Variants in METTL2A observed in about 807,000 individuals in gnomAD.
The protein encoded by METTL2A is methyltransferase 2A, tRNA N3-cytidine.
In METTL2A, 45 loss-of-function variants were observed where a neutral mutation model predicts 49.4. The ratio of observed to expected loss-of-function variants is 0.91; its 90% CI spans 0.72 to 1.17. The LOEUF is 1.17. Ranked by LOEUF, METTL2A falls within the 50% of genes most tolerant of loss-of-function variation. The pLI, the probability that METTL2A is intolerant of heterozygous loss-of-function variation, is 0.00. For missense variants in METTL2A, 361 were observed against 462.2 expected (o/e 0.78, Z 2.01); for synonymous variants, 118 against 167.5 (o/e 0.70, Z 2.28).
At chr17:62,430,449 T>G (rs1261898547) in intron 4 of METTL2A, among the ~76,000 whole-genome samples, 5 of 152,198 alleles carry the variant, frequency 3.3e-5, no homozygotes, top group African/African-American at 1.2e-4. Flanking sequence ...TTCTACTGCC[T>G]GTGAATCAGG....
At chr17:62,438,946 A>G (rs967450728) in intron 5 of METTL2A, among the ~76,000 whole-genome samples, 2 of 140,408 alleles carry the variant, frequency 1.4e-5, no homozygotes, top group Admixed American at 7.2e-5. Flanking sequence ...AACTGGGACT[A>G]TGGGCACATG....
Position 62,450,666 on chromosome 17 carries a change from AAAT to A in METTL2A, c.*1940_*1942del, listed in dbSNP as rs1320140908. The A allele has an allele frequency of 2.0e-5, 3 of 152,088 alleles. No individual in the cohort carries two copies. Among genetic ancestry groups the A allele is most frequent in the African/African-American group, 7.2e-5 (3 of 41,402 alleles). 9.4% of individuals were successfully genotyped at this position (152,088 alleles called of 1,614,324 possible). ...ATAGTGAAACCCCGTCTCCACTAAAAAATAAAAAATCAGCCCGGCATGGCTGTG... is the reference window on the plus strand; with the variant it reads ...ATAGTGAAACCCCGTCTCCACTAAAAAAAAAATCAGCCCGGCATGGCTGTG... On this transcript the variant is annotated 3_prime_UTR_variant, in exon 9 of 9. Transcript: ENST00000311506.
chr17:62,437,359 GT>G (rs1440773480), intron 5 of METTL2A, among the ~76,000 whole-genome samples: 1 of 152,090 alleles, frequency 6.6e-6, no homozygotes, highest in East Asian at 1.9e-4. Context: ...ACAGCCCCAA[GT>G]TCCTGGTATC....
At chr17:62,433,389 C>T (rs2070678916) in intron 4 of METTL2A, among the ~76,000 whole-genome samples, 1 of 151,000 alleles carries the variant, frequency 6.6e-6, no homozygotes, top group African/African-American at 2.4e-5. Flanking sequence ...GCTGAGACCA[C>T]ACTATTGCAC....
chr17:62,427,673 C>A, intron 3 of METTL2A, 115 bp from the exon 4 acceptor site: 3 of 1,480,992 alleles, frequency 2.0e-6, no homozygotes, highest in Non-Finnish European at 2.7e-6. Flanking sequence ...GGTCACTACA[C>A]CTTCCCTAAT....
rs750795093 is a variant in METTL2A at position 62,423,913 on chromosome 17, C to T, written c.11C>T (p.Ser4Phe). ...TCCGGCTCCGGTGTCATGGCCGGCT[C>T]CTACCCTGAAGGTGCACCTGCAGTC... MAG[S>F]YPEGAPAVLA... is the part of the protein sequence containing the mutation. The change falls in exon 1 of 9, where the codon TCC becomes TTC. Residue 4 changes from serine to phenylalanine, a missense_variant. This residue lies in a region of METTL2A where 150 missense variants were observed against 170.1 expected (regional missense o/e 0.88). Transcript: ENST00000311506. The T allele has an allele frequency of 1.2e-6, 2 of 1,613,290 alleles. No individual in the cohort carries two copies. The highest frequency in any genetic ancestry group is 1.7e-5 in the Admixed American group (1 of 59,910).
chr17:62,451,375 C>T lies in METTL2A; in HGVS notation c.*2646C>T, dbSNP rs189726711. On this transcript the variant is annotated 3_prime_UTR_variant, in exon 9 of 9. Transcript: ENST00000311506. The stretch of plus-strand genomic sequence containing the variant: ...GTTGGTCAGGCTGATCTCGAACTCC[C>T]GACCTCAGGTGATCTGCCCGCCTTG... 3.2e-4 allele frequency among the ~76,000 whole-genome samples: 49 copies of T among 151,058 alleles called. 1 individual carries two copies. The East Asian group carries it at 5.2e-3, about 16-fold the overall frequency.
chr17:62,445,421 A>G (rs2070762326), intron 7 of METTL2A, among the ~76,000 whole-genome samples: 1 of 152,136 alleles, frequency 6.6e-6, no homozygotes, highest in Non-Finnish European at 1.5e-5. Flanking sequence ...ATTTTTTAAG[A>G]AAACTGAAGA....
intron 2 of METTL2A, among the ~76,000 whole-genome samples, chr17:62,425,277 T>G (rs1250268103): frequency 1.3e-5 from 2 of 151,884 alleles, no homozygotes; most frequent in Non-Finnish European, 2.9e-5. Flanking sequence ...TTGTTAGGTT[T>G]TTATTCTTTC....
At chr17:62,440,244 C>T (rs898473830) in intron 5 of METTL2A, among the ~76,000 whole-genome samples, 4 of 152,058 alleles carry the variant, frequency 2.6e-5, no homozygotes, top group East Asian at 1.9e-4. Flanking sequence ...AGGCTGGCCT[C>T]GAACTCCTGA....
At chr17:62,430,756 T>G (rs2070659265) in intron 4 of METTL2A, among the ~76,000 whole-genome samples, 1 of 152,074 alleles carries the variant, frequency 6.6e-6, no homozygotes, top group South Asian at 2.1e-4. Flanking sequence ...TCGGCTAGCC[T>G]CAACCTCCGC....
intron 4 of METTL2A, among the ~76,000 whole-genome samples, chr17:62,434,050 G>A (rs145899648): frequency 1.3e-5 from 2 of 152,104 alleles, no homozygotes; most frequent in East Asian, 1.9e-4. Flanking sequence ...AACTTAGCCC[G>A]TGACCTTAAT....
intron 7 of METTL2A, among the ~76,000 whole-genome samples, chr17:62,445,793 C>T (rs1324666858): frequency 7.5e-6 from 1 of 133,076 alleles, no homozygotes; most frequent in Non-Finnish European, 1.6e-5. Context: ...GAAACTGTCT[C>T]AAGAAAAAAA....
chr17:62,449,956 C>A lies in METTL2A; in HGVS notation c.*1227C>A, dbSNP rs2070795190. 6.5e-6 allele frequency: 1 copy of A among 153,292 alleles called. No individual in the cohort carries two copies. The highest frequency in any genetic ancestry group is 1.4e-5 in the Non-Finnish European group (1 of 69,260). 9.5% of individuals were successfully genotyped at this position (153,292 alleles called of 1,614,324 possible). ...AAAATTAGCTGGGCATGGTGGCACA[C>A]ACCTGTAGTCCCCTGTAGTCCCAGC... On this transcript the variant is annotated 3_prime_UTR_variant, in exon 9 of 9. Coordinates refer to ENST00000311506, the MANE Select transcript of METTL2A (RefSeq NM_181725.4).
In METTL2A at chr17:62,450,478, A is replaced by G. The variant is rs1406647617; in HGVS notation, c.*1749A>G. The G allele has an allele frequency of 2.0e-5, 3 of 151,796 alleles. No homozygotes were observed. Among genetic ancestry groups the G allele is most frequent in the East Asian group, 3.9e-4 (2 of 5,166 alleles). 9.4% of individuals were successfully genotyped at this position (151,796 alleles called of 1,614,324 possible). A position where few individuals can be genotyped will look rare whatever the true frequency, so the allele number is the denominator to read the frequency against. On this transcript the variant is annotated 3_prime_UTR_variant, in exon 9 of 9. Transcript: ENST00000311506. Reference sequence around the variant, plus strand: ...TCTGCATTTTTTCAGTTATTTTTACATATTTCTCTCTTGATCCATGCAGTT... The same window carrying G: ...TCTGCATTTTTTCAGTTATTTTTACGTATTTCTCTCTTGATCCATGCAGTT...
chr17:62,425,418 C>T (rs186604029), intron 2 of METTL2A, among the ~76,000 whole-genome samples: 4,634 of 100,386 alleles, frequency 0.046, 122 homozygotes, highest in Non-Finnish European at 0.067. Flanking sequence ...GATGGAGTCT[C>T]GCTCTGTCAC....
chr17:62,442,829 T>C (rs1405862682), intron 6 of METTL2A, among the ~76,000 whole-genome samples: 4 of 152,146 alleles, frequency 2.6e-5, no homozygotes, highest in Admixed American at 1.3e-4. Context: ...CAAGGTAAGC[T>C]GGTGTTAGGA....
Position 62,449,359 on chromosome 17 carries a change from C to T in METTL2A, c.*630C>T, listed in dbSNP as rs200223353. 7.3e-5 allele frequency: 33 copies of T among 450,268 alleles called. No individual in the cohort carries two copies. The East Asian group carries it at 2.4e-3, about 32-fold the overall frequency. 27.9% of individuals were successfully genotyped at this position (450,268 alleles called of 1,614,324 possible). On this transcript the variant is annotated 3_prime_UTR_variant, in exon 9 of 9. Coordinates refer to ENST00000311506, the MANE Select transcript of METTL2A (RefSeq NM_181725.4). Reference sequence around the variant, plus strand: ...ATTTTCCTGACAAAAAAAAATGACCCTACAGAGAGCATCAAAATGTGGTGT... The same window carrying T: ...ATTTTCCTGACAAAAAAAAATGACCTTACAGAGAGCATCAAAATGTGGTGT...
Position 62,426,491 on chromosome 17 carries a change from G to C in METTL2A, c.395G>C (p.Gly132Ala). 9.9e-6 allele frequency: 16 copies of C among 1,613,804 alleles called. No individual in the cohort carries two copies. The highest frequency in any genetic ancestry group is 1.4e-5 in the Non-Finnish European group (16 of 1,179,936). Reference sequence around the variant, plus strand: ...CCTGAATGTAGAAACAATGAGGATGGACCTGGTTTAATAATGGAAGAACAG... The same window carrying C: ...CCTGAATGTAGAAACAATGAGGATGCACCTGGTTTAATAATGGAAGAACAG... The part of the protein sequence containing the change: ...EVPECRNNED[G>A]PGLIMEEQHK... Residue 132 changes from glycine (G) to alanine (A), a missense_variant, in exon 3 of 9, where the codon GGA becomes GCA. Physicochemically the swap from Gly to Ala is moderately conservative, Grantham distance 60. Coordinates refer to ENST00000311506, the MANE Select transcript of METTL2A (RefSeq NM_181725.4).
Sources: allele counts gnomAD v4.1 joint callset (sites outside exome capture counted in the v4.1 genomes callset), GRCh38; gene constraint gnomAD v4.1.1; regional missense constraint gnomAD v4.1.1; transcripts MANE v1.5; gene names NCBI Gene and HGNC (gene_info 2026-07-23, HGNC 2026-07-21).